Variants in ARMH3 observed in about 807,000 individuals in gnomAD.
ARMH3 encodes the protein armadillo-like helical domain-containing protein 3.
Under a neutral mutation model 99.1 loss-of-function variants are expected in ARMH3, and 60 were observed. That is an observed-to-expected ratio of 0.61 (90% CI 0.49 to 0.75). The LOEUF (loss-of-function observed/expected upper bound fraction) is 0.75. Among genes scored for constraint, ARMH3 ranks in the 30% least tolerant of loss-of-function variants. ARMH3 has a pLI of 0.00. For missense variants in ARMH3, 679 were observed against 843.1 expected (o/e 0.81, Z 2.41); for synonymous variants, 285 against 292.8 (o/e 0.97, Z 0.27).
Position 101,929,872 on chromosome 10 carries a change from G to C in ARMH3, c.1781+9991C>G, listed in dbSNP as rs550928334. Among the ~76,000 whole-genome samples the C allele has an allele frequency of 7.2e-5, 11 of 152,242 alleles. No individual in the cohort carries two copies. In the South Asian group the frequency reaches 2.3e-3, roughly 32 times the overall value. On this transcript the variant is annotated intron_variant, in intron 23 of 25. Coordinates refer to ENST00000370033, the MANE Select transcript of ARMH3 (RefSeq NM_024541.3). ...AATATCCCTTATCCAAAATGCTTGG[G>C]ACCAGAAGAGTTTTAGGTTTCAGAT... is the stretch of plus-strand genomic sequence containing the variant.
intron 24 of ARMH3, among the ~76,000 whole-genome samples, chr10:101,856,463 G>A (rs1295342508): frequency 6.6e-6 from 1 of 151,966 alleles, no homozygotes; most frequent in Non-Finnish European, 1.5e-5. Flanking sequence ...TACAATGAAT[G>A]CTCCTATCTC....
chr10:101,944,328 A>AGAGAGAGAGAGT (rs1554871575), intron 22 of ARMH3, among the ~76,000 whole-genome samples: 1 of 108,002 alleles, frequency 9.3e-6, no homozygotes, highest in African/African-American at 3.7e-5. Flanking sequence ...AGAGAGAGAG[A>AGAGAGAGAGAGT]GTCCAAACTG....
intron 23 of ARMH3, among the ~76,000 whole-genome samples, chr10:101,915,688 C>G (rs547500496): frequency 1.5e-4 from 23 of 152,036 alleles, no homozygotes; most frequent in African/African-American, 4.6e-4. Context: ...ATCTGCCTTA[C>G]AAACCCACAG....
chr10:102,053,400 A>C (rs1380172655), intron 1 of ARMH3, among the ~76,000 whole-genome samples: 1 of 151,896 alleles, frequency 6.6e-6, no homozygotes, highest in Non-Finnish European at 1.5e-5. Flanking sequence ...TCTCCAAATG[A>C]AATGCCTTTT....
At chr10:102,020,708 C>G (rs2066864142) in intron 8 of ARMH3, among the ~76,000 whole-genome samples, 1 of 150,248 alleles carries the variant, frequency 6.7e-6, no homozygotes, top group Admixed American at 6.6e-5. Context: ...AAAAAATTAG[C>G]CGAGTATTGT....
At chr10:101,865,250 A>C (rs546351145) in intron 24 of ARMH3, among the ~76,000 whole-genome samples, 2 of 152,036 alleles carry the variant, frequency 1.3e-5, no homozygotes, top group African/African-American at 4.8e-5. Flanking sequence ...AACAAACAAA[A>C]AGAGTAAGAA....
chr10:101,990,481 A>G (rs1201607542), intron 19 of ARMH3, 70 bp downstream of exon 19: 2 of 1,298,932 alleles, frequency 1.5e-6, no homozygotes, highest in East Asian at 4.7e-5. Context: ...TACACAGACC[A>G]TGAATTTTCT....
chr10:101,988,418 G>A (rs917361727), intron 19 of ARMH3, among the ~76,000 whole-genome samples: 1 of 152,068 alleles, frequency 6.6e-6, no homozygotes, highest in African/African-American at 2.4e-5. Context: ...GAAGTTCAGG[G>A]ACCCCAGCTA....
chr10:101,991,046 C>T (rs994638302), intron 18 of ARMH3, among the ~76,000 whole-genome samples: 1 of 152,224 alleles, frequency 6.6e-6, no homozygotes, highest in African/African-American at 2.4e-5. Context: ...ATCTTACTAT[C>T]ATGCTCAGTT....
At chr10:102,029,523 C>T in intron 5 of ARMH3, 115 bp downstream of exon 5, 1 of 1,601,320 alleles carries the variant, frequency 6.2e-7, no homozygotes, top group African/African-American at 1.3e-5. Flanking sequence ...AGGCCAAATT[C>T]AATCATCTGT....
chr10:102,033,800 T>C, intron 2 of ARMH3, among the ~76,000 whole-genome samples: 1 of 152,130 alleles, frequency 6.6e-6, no homozygotes, highest in East Asian at 1.9e-4. Context: ...TCTCTTTGTG[T>C]TTTTTTTCCC....
chr10:102,036,227 C>T (rs1306332692), intron 2 of ARMH3, among the ~76,000 whole-genome samples: 4 of 151,358 alleles, frequency 2.6e-5, no homozygotes, highest in Non-Finnish European at 5.9e-5. Context: ...AGCCCCCGCC[C>T]GGCCAGCCGC....
At chr10:102,014,789 G>C (rs2066708672) in intron 8 of ARMH3, among the ~76,000 whole-genome samples, 1 of 152,128 alleles carries the variant, frequency 6.6e-6, no homozygotes. Flanking sequence ...AACTCATAAA[G>C]CAACTGGATC....
intron 5 of ARMH3, chr10:102,029,309 A>C: frequency 1.2e-6 from 1 of 850,170 alleles, no homozygotes; most frequent in Non-Finnish European, 1.8e-6. Flanking sequence ...CTTAAAGTTT[A>C]GAATTAAAGT....
chr10:101,967,967 T>C (rs1441422388), intron 20 of ARMH3, among the ~76,000 whole-genome samples: 1 of 151,980 alleles, frequency 6.6e-6, no homozygotes, highest in Non-Finnish European at 1.5e-5. Context: ...GAGTCAGAAA[T>C]AGAACAAATC....
chr10:101,890,134 G>C (rs2067651465), intron 23 of ARMH3, among the ~76,000 whole-genome samples: 1 of 151,842 alleles, frequency 6.6e-6, no homozygotes. Flanking sequence ...TTCTTGCCTG[G>C]TGTAGCAAAA....
At chr10:102,001,098 T>C (rs958649064) in intron 15 of ARMH3, among the ~76,000 whole-genome samples, 3 of 152,162 alleles carry the variant, frequency 2.0e-5, no homozygotes, top group African/African-American at 7.2e-5. Flanking sequence ...ATTACAGGCA[T>C]GAGCCACCGT....
intron 24 of ARMH3, among the ~76,000 whole-genome samples, chr10:101,868,100 A>G (rs578198368): frequency 6.6e-6 from 1 of 152,350 alleles, no homozygotes; most frequent in East Asian, 1.9e-4. Context: ...TACAGAGTCA[A>G]ATCAAGGAAA....
chr10:101,999,064 A>C (rs1483091077), intron 15 of ARMH3, among the ~76,000 whole-genome samples: 1 of 152,242 alleles, frequency 6.6e-6, no homozygotes, highest in Non-Finnish European at 1.5e-5. Flanking sequence ...ATCTATGCCA[A>C]ATTGTTAAGA....
Sources: allele counts gnomAD v4.1 joint callset (sites outside exome capture counted in the v4.1 genomes callset), GRCh38; gene constraint gnomAD v4.1.1; transcripts MANE v1.5; gene names NCBI Gene and HGNC (gene_info 2026-07-23, HGNC 2026-07-21).